Variants in KDM6A observed in about 807,000 individuals in gnomAD.
The protein encoded by KDM6A is lysine-specific demethylase 6A.
In KDM6A, 11 loss-of-function variants were observed where a neutral mutation model predicts 117.6. The ratio of observed to expected loss-of-function variants is 0.09; its 90% CI spans 0.06 to 0.15. The LOEUF is 0.15. Ranked by LOEUF, KDM6A falls within the 10% of genes least tolerant of loss-of-function variation. The pLI is 1.00. For synonymous variants in KDM6A, 384 were observed against 396.1 expected (o/e 0.97, Z 0.36); for missense variants, 799 against 1,077.3 (o/e 0.74, Z 3.62).
chrX:44,886,045 G>A (rs1454660296), intron 2 of KDM6A, among the ~76,000 whole-genome samples: 1 of 110,580 alleles, frequency 9.0e-6, no homozygotes, highest in Non-Finnish European at 1.9e-5. Flanking sequence ...TTTACCTCTT[G>A]CTATATGAAA....
intron 2 of KDM6A, among the ~76,000 whole-genome samples, chrX:44,916,496 T>G (rs1018101245): frequency 1.8e-5 from 2 of 111,049 alleles, no homozygotes; most frequent in Non-Finnish European, 3.8e-5. Context: ...CCTTTACTGT[T>G]TAAAAGAGGA....
chrX:44,985,577 A>ACATC (rs1284995449), intron 4 of KDM6A, among the ~76,000 whole-genome samples: 3 of 111,579 alleles, frequency 2.7e-5, no homozygotes, highest in Non-Finnish European at 5.6e-5. Flanking sequence ...ATTTTGAGAT[A>ACATC]CATCCCATCA....
chrX:44,896,329 G>A (rs1160886412), intron 2 of KDM6A, among the ~76,000 whole-genome samples: 1 of 110,387 alleles, frequency 9.1e-6, no homozygotes, highest in East Asian at 2.8e-4. Context: ...CGCCCGCCTC[G>A]GCCTCCCAAA....
chrX:45,110,800 G>A (rs2046739412), intron 29 of KDM6A, among the ~76,000 whole-genome samples: 1 of 111,520 alleles, frequency 9.0e-6, no homozygotes, highest in Admixed American at 9.5e-5. Context: ...CAGATGCTTG[G>A]GGGAAGCATT....
chrX:44,914,767 C>A (rs986416322), intron 2 of KDM6A, among the ~76,000 whole-genome samples: 1 of 110,297 alleles, frequency 9.1e-6, no homozygotes, highest in Non-Finnish European at 1.9e-5. Flanking sequence ...TTCTTATTTA[C>A]ATCTAGTATA....
At position 45,079,187 on chromosome X, in the gene KDM6A, A is replaced by C. The variant is rs765159063; in HGVS notation, c.3136A>C (p.Asn1046His). The change falls in exon 21 of 30, where the codon AAT (asparagine) becomes CAT (histidine). Residue 1046 changes from asparagine to histidine, a missense_variant. By Grantham distance (68) the Asn-to-His change is moderately conservative. Around this residue, in one of 8 missense-constraint regions of KDM6A, gnomAD observed 291 missense variants for 437.9 expected, o/e 0.66. Coordinates refer to ENST00000611820, the MANE Select transcript of KDM6A (RefSeq NM_001291415.2). ...FSTKTLVEAN[N>H]EHMVEVRTQL... ...TACTAAAACTTTGGTGGAAGCTAAC[A>C]ATGAACATATGGTAGAAGTGAGGAC... 5 of 1,211,308 alleles carry C rather than the reference A, an allele frequency of 4.1e-6. No homozygotes were observed. Among genetic ancestry groups the C allele is most frequent in the Non-Finnish European group, 5.6e-6 (5 of 894,931 alleles).
intron 25 of KDM6A, among the ~76,000 whole-genome samples, chrX:45,088,499 C>G (rs1367483548): frequency 8.8e-6 from 1 of 113,433 alleles, no homozygotes; most frequent in Non-Finnish European, 1.9e-5. Flanking sequence ...GTTTTTTTTA[C>G]AGAAACAGGC....
At chrX:45,061,809 T>C (rs1052007792) in intron 15 of KDM6A, among the ~76,000 whole-genome samples, 2 of 110,553 alleles carry the variant, frequency 1.8e-5, no homozygotes, top group African/African-American at 6.6e-5. Flanking sequence ...TTAATTCTTA[T>C]AAGTTAAATG....
chrX:44,922,805 T>C (rs962567093), intron 2 of KDM6A, among the ~76,000 whole-genome samples: 2 of 113,045 alleles, frequency 1.8e-5, no homozygotes, highest in African/African-American at 3.2e-5. Flanking sequence ...GTTTTGAATG[T>C]TTTAAAATGT....
At chrX:44,989,419 T>G (rs1028307828) in intron 4 of KDM6A, among the ~76,000 whole-genome samples, 1 of 107,665 alleles carries the variant, frequency 9.3e-6, no homozygotes, top group Non-Finnish European at 1.9e-5. Context: ...CTGCACCCAC[T>G]TTCTGACACT....
intron 2 of KDM6A, among the ~76,000 whole-genome samples, chrX:44,900,302 A>G (rs1271404543): frequency 8.9e-6 from 1 of 111,963 alleles, no homozygotes; most frequent in Non-Finnish European, 1.9e-5. Flanking sequence ...GTACGTACAG[A>G]TATGTTTCTG....
intron 2 of KDM6A, among the ~76,000 whole-genome samples, chrX:44,933,476 T>G (rs1334148100): frequency 9.2e-6 from 1 of 109,175 alleles, no homozygotes; most frequent in Non-Finnish European, 1.9e-5. Flanking sequence ...GGTTACGCTA[T>G]GTTGGCCAGG....
At chrX:44,907,751 A>ATTTTTTTTTTTTTTTTTT (rs67971573) in intron 2 of KDM6A, among the ~76,000 whole-genome samples, 1 of 70,559 alleles carries the variant, frequency 1.4e-5, no homozygotes, top group Non-Finnish European at 2.7e-5. Flanking sequence ...TCTGGCCTCC[A>ATTTTTTTTTTTTTTTTTT]TTTTTTTTTT....
At chrX:44,909,506 A>G (rs1293488353) in intron 2 of KDM6A, among the ~76,000 whole-genome samples, 1 of 110,582 alleles carries the variant, frequency 9.0e-6, no homozygotes, top group Non-Finnish European at 1.9e-5. Context: ...TTATATTTTG[A>G]TCATGTCTTC....
At chrX:44,950,883 C>A (rs2037960523) in intron 2 of KDM6A, among the ~76,000 whole-genome samples, 1 of 108,311 alleles carries the variant, frequency 9.2e-6, no homozygotes, top group Non-Finnish European at 1.9e-5. Flanking sequence ...TATAGATGCC[C>A]AGGCACGCAA....
At chrX:45,102,897 A>G (rs2046383541) in intron 27 of KDM6A, among the ~76,000 whole-genome samples, 2 of 110,637 alleles carry the variant, frequency 1.8e-5, no homozygotes, top group South Asian at 7.8e-4. Context: ...TCCTAGGAGA[A>G]CACAACCCTG....
At chrX:44,906,951 T>G in intron 2 of KDM6A, among the ~76,000 whole-genome samples, 1 of 111,954 alleles carries the variant, frequency 8.9e-6, no homozygotes, top group Non-Finnish European at 1.9e-5. Context: ...TATCATCACA[T>G]TTCACATTGC....
chrX:44,928,526 G>A (rs148182898), intron 2 of KDM6A, among the ~76,000 whole-genome samples: 4,279 of 111,605 alleles, frequency 0.038, 213 homozygotes, highest in African/African-American at 0.13. Flanking sequence ...TTTTGATATC[G>A]GAGAGACCTT....
At chrX:45,099,331 A>C in intron 27 of KDM6A, among the ~76,000 whole-genome samples, 1 of 109,118 alleles carries the variant, frequency 9.2e-6, no homozygotes, top group Non-Finnish European at 1.9e-5. Flanking sequence ...CTCCCTATTG[A>C]ATTAAGGTTC....
Sources: allele counts gnomAD v4.1 joint callset (sites outside exome capture counted in the v4.1 genomes callset), GRCh38; gene constraint gnomAD v4.1.1; regional missense constraint gnomAD v4.1.1; transcripts MANE v1.5; gene names NCBI Gene and HGNC (gene_info 2026-07-23, HGNC 2026-07-21).